The following LGR4 variants were observed in gnomAD, a reference collection of about 807,000 sequenced individuals.
The protein encoded by LGR4 is leucine-rich repeat-containing G protein-coupled receptor 4.
LGR4 carries 44 observed loss-of-function variants against 84.8 expected under a neutral mutation model. The observed-to-expected ratio is 0.52, with a 90% CI of 0.41 to 0.67. The LOEUF is 0.67. Ranked by LOEUF, LGR4 falls within the 30% of genes least tolerant of loss-of-function variation. The pLI is 0.00. For missense variants in LGR4, 1,032 were observed against 1,131.4 expected, an observed-to-expected ratio of 0.91 and a Z score of 1.26; for synonymous variants, 429 against 434.3, an observed-to-expected ratio of 0.99 and a Z score of 0.15.
intron 1 of LGR4, among the ~76,000 whole-genome samples, chr11:27,447,441 G>C (rs1864411417): frequency 6.6e-6 from 1 of 152,106 alleles, no homozygotes; most frequent in Non-Finnish European, 1.5e-5. Flanking sequence ...GTTTACAAAT[G>C]TCATGGCGAT....
chr11:27,373,765 T>A (rs1862927822), intron 14 of LGR4, 89 bp from the exon 15 acceptor site: 1 of 1,283,944 alleles, frequency 7.8e-7, no homozygotes, highest in Non-Finnish European at 1.1e-6. Flanking sequence ...AAATATTAGA[T>A]CCCTAAGATG....
chr11:27,432,777 T>C (rs1864136334), intron 1 of LGR4, among the ~76,000 whole-genome samples: 1 of 152,182 alleles, frequency 6.6e-6, no homozygotes, highest in Non-Finnish European at 1.5e-5. Flanking sequence ...CTTAATCTTT[T>C]TCTTTGCATG....
intron 1 of LGR4, among the ~76,000 whole-genome samples, chr11:27,432,857 A>G (rs901916650): frequency 6.6e-6 from 1 of 152,028 alleles, no homozygotes; most frequent in Admixed American, 6.6e-5. Flanking sequence ...TATCCTCCCC[A>G]CCACAACAGC....
intron 2 of LGR4, among the ~76,000 whole-genome samples, chr11:27,398,350 T>G (rs1368650383): frequency 6.6e-6 from 1 of 152,286 alleles, no homozygotes; most frequent in East Asian, 1.9e-4. Context: ...GGAAGCAGCT[T>G]AAAAAACAAG....
intron 1 of LGR4, among the ~76,000 whole-genome samples, chr11:27,456,230 G>A (rs1864574294): frequency 6.6e-6 from 1 of 152,328 alleles, no homozygotes; most frequent in South Asian, 2.1e-4. Flanking sequence ...TAGCCCTGCT[G>A]CTAAAGGAAA....
chr11:27,450,000 C>T (rs1420465258), intron 1 of LGR4, among the ~76,000 whole-genome samples: 2 of 152,180 alleles, frequency 1.3e-5, no homozygotes, highest in Admixed American at 6.6e-5. Flanking sequence ...AACTGAAAGG[C>T]AGAACTTGGC....
chr11:27,389,169 A>G (rs1488656326), intron 4 of LGR4, among the ~76,000 whole-genome samples: 1 of 152,146 alleles, frequency 6.6e-6, no homozygotes, highest in African/African-American at 2.4e-5. Context: ...GTTTTACACC[A>G]TGAGAGAACT....
intron 1 of LGR4, among the ~76,000 whole-genome samples, chr11:27,424,363 GGCT>G (rs1277736471): frequency 6.6e-6 from 1 of 152,170 alleles, no homozygotes; most frequent in Non-Finnish European, 1.5e-5. Context: ...AACATAGTGA[GGCT>G]GCTCGGGAGC....
In LGR4 at chr11:27,458,515, GTT is replaced by G. The variant is rs932862644; in HGVS notation, c.185+13601_185+13602del. Among the ~76,000 whole-genome samples, 143 of 151,844 alleles carry G rather than the reference GTT, an allele frequency of 9.4e-4. 2 individuals carry two copies. The highest frequency in any genetic ancestry group is 5.8e-4 in the East Asian group (3 of 5,176). On this transcript the variant is annotated intron_variant, in intron 1 of 17. Transcript: ENST00000379214. ...GGGGAGTTTTCTCTATAAATTCATA[GTT>G]TTTTTGTTTTCTTAATTTTTTTAAG...
chr11:27,374,388 C>T (rs2133363553), intron 13 of LGR4, among the ~76,000 whole-genome samples: 1 of 152,226 alleles, frequency 6.6e-6, no homozygotes, highest in East Asian at 1.9e-4. Context: ...AGCTCAGTTT[C>T]TGAAAAAGCT....
In LGR4 at chr11:27,368,930, T is replaced by C; in HGVS notation, c.1793A>G (p.Asp598Gly). The C allele has an allele frequency of 6.2e-7, 1 of 1,614,054 alleles. No individual in the cohort carries two copies. Among genetic ancestry groups the C allele is most frequent in the South Asian group, 1.1e-5 (1 of 91,062 alleles). Residue 598 changes from aspartate (D) to glycine (G), a missense_variant, in exon 18 of 18, where the codon GAT (aspartate) becomes GGT (glycine). Coordinates refer to ENST00000379214, the MANE Select transcript of LGR4 (RefSeq NM_018490.5). ...AGCGAATCTGCCCCAGGACACAGCA[T>C]CAAGAAAAGTTAGGATGCCAGTATA... is the stretch of plus-strand genomic sequence containing the variant. ...GIYTGILTFLDAVSWGRFAEF... is the reference protein window; with the variant it reads ...GIYTGILTFLGAVSWGRFAEF...
intron 4 of LGR4, among the ~76,000 whole-genome samples, chr11:27,389,871 A>G (rs1863249938): frequency 6.6e-6 from 1 of 152,122 alleles, no homozygotes; most frequent in African/African-American, 2.4e-5. Context: ...TACCTAGAAC[A>G]TACCCAATTA....
Position 27,378,696 on chromosome 11 carries a change from C to G in LGR4, c.1043+1G>C. The G allele has an allele frequency of 6.3e-7, 1 of 1,598,824 alleles. No homozygotes were observed. Among genetic ancestry groups the G allele is most frequent in the Non-Finnish European group, 8.6e-7 (1 of 1,167,492 alleles). The stretch of plus-strand genomic sequence containing the variant: ...GGGAAGGGAAGAAGAATCCAACTTA[C>G]AAAGTCCTAAGCATCTTTTGTTCTT... On this transcript the variant is annotated splice_donor_variant, in intron 11 of 17. Coordinates refer to ENST00000379214, the MANE Select transcript of LGR4 (RefSeq NM_018490.5). LOFTEE classifies it high-confidence loss of function.
At chr11:27,449,867 T>C (rs1434524083) in intron 1 of LGR4, among the ~76,000 whole-genome samples, 1 of 152,146 alleles carries the variant, frequency 6.6e-6, no homozygotes, top group African/African-American at 2.4e-5. Flanking sequence ...TTTTAACAAT[T>C]AGAATTGCTT....
At chr11:27,370,725 C>T (rs566045537) in intron 17 of LGR4, among the ~76,000 whole-genome samples, 3 of 152,146 alleles carry the variant, frequency 2.0e-5, no homozygotes, top group East Asian at 1.9e-4. Flanking sequence ...TCCAGCCCCC[C>T]CTTTAATAAA....
intron 2 of LGR4, among the ~76,000 whole-genome samples, chr11:27,397,082 A>G (rs1863405477): frequency 6.6e-6 from 1 of 151,992 alleles, no homozygotes; most frequent in African/African-American, 2.4e-5. Context: ...AATTCTAAGC[A>G]TTTTCCCAAA....
intron 1 of LGR4, among the ~76,000 whole-genome samples, chr11:27,460,198 G>A (rs1864656659): frequency 6.6e-6 from 1 of 152,268 alleles, no homozygotes; most frequent in South Asian, 2.1e-4. Context: ...AGCTTCAGAT[G>A]CCACAGACCA....
intron 2 of LGR4, among the ~76,000 whole-genome samples, chr11:27,401,613 T>C (rs1863506013): frequency 6.6e-6 from 1 of 152,330 alleles, no homozygotes; most frequent in East Asian, 1.9e-4. Context: ...GGTATTGAGT[T>C]TTCCCAGGAC....
At chr11:27,407,038 A>G (rs1863624592) in intron 2 of LGR4, among the ~76,000 whole-genome samples, 1 of 152,184 alleles carries the variant, frequency 6.6e-6, no homozygotes, top group African/African-American at 2.4e-5. Context: ...AAGATATAGA[A>G]GAGATGACAT....
Sources: gnomAD v4.1 joint callset for allele counts (sites outside exome capture counted in the v4.1 genomes callset) on GRCh38, gnomAD v4.1.1 for gene constraint, MANE v1.5 for transcripts, NCBI Gene and HGNC (gene_info 2026-07-23, HGNC 2026-07-21) for gene names.